The following ANTXRL variants were observed in gnomAD, a reference collection of about 807,000 sequenced individuals.
ANTXRL encodes ANTXR like, also known as anthrax toxin receptor-like.
In ANTXRL, 63 loss-of-function variants were observed where a neutral mutation model predicts 75.4. That is an observed-to-expected ratio of 0.84 (90% confidence interval 0.68 to 1.03). The LOEUF (loss-of-function observed/expected upper bound fraction) is 1.03, where lower values mean the gene tolerates loss of function less well. ANTXRL is among the 50% of genes least tolerant of loss of function. The pLI is 0.00. For synonymous variants in ANTXRL, 335 were observed against 291.3 expected (o/e 1.15, Z -1.53); for missense variants, 797 against 789.4 (o/e 1.01, Z -0.12).
chr10:46,293,753 G>C, intron 2 of ANTXRL, 76 bp from the exon 3 acceptor site: 1 of 1,229,130 alleles, frequency 8.1e-7, no homozygotes, highest in South Asian at 1.3e-5. Context: ...GGGGTGGGAG[G>C]TGGGGAATTG....
chr10:46,298,240 TTGTG>T (rs1554959637), intron 9 of ANTXRL, among the ~76,000 whole-genome samples, 178 bp downstream of exon 9: 1 of 151,236 alleles, frequency 6.6e-6, no homozygotes, highest in Non-Finnish European at 1.5e-5. Flanking sequence ...TGTATGTAGT[TTGTG>T]TGGGTGCAGT....
At chr10:46,321,540 G>GT (rs1330640064) in intron 16 of ANTXRL, among the ~76,000 whole-genome samples, 11 of 152,114 alleles carry the variant, frequency 7.2e-5, no homozygotes, top group Admixed American at 3.3e-4. Flanking sequence ...CAAGGACTCG[G>GT]TATGGTCCCT....
chr10:46,293,298 CTGTGTGTGTGTGCGTGTGTGCCTGTGTG>C (rs1425901612), intron 2 of ANTXRL, among the ~76,000 whole-genome samples: 3 of 41,204 alleles, frequency 7.3e-5, no homozygotes, highest in Non-Finnish European at 1.4e-4. Flanking sequence ...GCGTGTGTGC[CTGTGTGTGTGTGCGTGTGTGCCTGTGTG>C]TGAGTGTGTG....
At chr10:46,324,622 G>A (rs1328974821) in intron 16 of ANTXRL, among the ~76,000 whole-genome samples, 1 of 152,080 alleles carries the variant, frequency 6.6e-6, no homozygotes, top group Non-Finnish European at 1.5e-5. Flanking sequence ...GAGTAATTTA[G>A]GAAAGACTTA....
intron 16 of ANTXRL, among the ~76,000 whole-genome samples, chr10:46,319,697 C>T (rs1387480271): frequency 3.9e-5 from 6 of 151,968 alleles, no homozygotes; most frequent in African/African-American, 9.7e-5. Flanking sequence ...CCTGGAAAGT[C>T]GCTAGAATAA....
intron 8 of ANTXRL, 42 bp from the exon 9 acceptor site, chr10:46,297,960 A>G (rs1554959456): frequency 6.5e-7 from 1 of 1,535,784 alleles, no homozygotes; most frequent in Non-Finnish European, 8.7e-7. Context: ...TTTGGCAGGA[A>G]GCTCACTCTC....
Position 46,298,021 on chromosome 10 carries a change from T to C in ANTXRL, c.755T>C (p.Leu252Pro). 1 of 1,535,942 alleles carries C rather than the reference T, an allele frequency of 6.5e-7. No homozygotes were observed. Among genetic ancestry groups the C allele is most frequent in the Non-Finnish European group, 8.7e-7 (1 of 1,146,734 alleles). The change falls in exon 9 of 17, where the codon CTT (leucine) becomes CCT (proline). Residue 252 changes from leucine to proline, a missense_variant. Coordinates refer to ENST00000620264, the MANE Select transcript of ANTXRL (RefSeq NM_001278688.3). ...TIDALTSKVCLDVTSVEPSSE... is the reference protein window; with the variant it reads ...TIDALTSKVCPDVTSVEPSSE... ...TTCCAGCTCACGTCAAAGGTCTGTC[T>C]TGATGTGACATCGGTGGAGCCTTCC...
intron 1 of ANTXRL, among the ~76,000 whole-genome samples, chr10:46,289,345 A>C (rs1226046034): frequency 2.0e-5 from 3 of 152,202 alleles, no homozygotes; most frequent in Non-Finnish European, 4.4e-5. Flanking sequence ...TACCATTTTT[A>C]AGTGTACAAT....
At chr10:46,293,979 G>C in intron 3 of ANTXRL, 79 bp downstream of exon 3, 1 of 1,377,342 alleles carries the variant, frequency 7.3e-7, no homozygotes, top group East Asian at 2.5e-5. Context: ...AGGGCTCCCG[G>C]AGACCTTGGT....
chr10:46,327,662 T>A (rs1839290513), intron 16 of ANTXRL, among the ~76,000 whole-genome samples: 1 of 152,098 alleles, frequency 6.6e-6, no homozygotes, highest in Non-Finnish European at 1.5e-5. Flanking sequence ...TTTGAGGCAT[T>A]TGTCACTCAC....
At chr10:46,323,756 G>C (rs189917107) in intron 16 of ANTXRL, among the ~76,000 whole-genome samples, 88 of 152,236 alleles carry the variant, frequency 5.8e-4, no homozygotes, top group Non-Finnish European at 1.1e-3. Flanking sequence ...CAAGGTAAAA[G>C]GTTTAGTGTA....
At chr10:46,301,257 C>A (rs1837724064) in intron 9 of ANTXRL, among the ~76,000 whole-genome samples, 1 of 152,220 alleles carries the variant, frequency 6.6e-6, no homozygotes, top group African/African-American at 2.4e-5. Context: ...TGCCTGGCAG[C>A]ATCAGATTTG....
intron 16 of ANTXRL, among the ~76,000 whole-genome samples, chr10:46,325,302 G>T (rs533921154): frequency 6.6e-6 from 1 of 152,178 alleles, no homozygotes; most frequent in Non-Finnish European, 1.5e-5. Context: ...CAGTGTCCTG[G>T]GTGTTTGCAA....
chr10:46,315,570 C>A (rs1260015515), intron 16 of ANTXRL, among the ~76,000 whole-genome samples: 103 of 152,128 alleles, frequency 6.8e-4, no homozygotes, highest in Admixed American at 3.6e-3. Flanking sequence ...CTGACAGAAC[C>A]AGTGCATGCC....
chr10:46,297,181 G>C (rs1837430636), intron 5 of ANTXRL, 71 bp from the exon 6 acceptor site: 1 of 1,296,232 alleles, frequency 7.7e-7, no homozygotes, highest in African/African-American at 1.5e-5. Context: ...GCCATCTGCA[G>C]GGGTTCCGGA....
intron 12 of ANTXRL, 89 bp from the exon 13 acceptor site, chr10:46,309,024 G>A (rs1838265494): frequency 1.3e-6 from 2 of 1,517,848 alleles, no homozygotes; most frequent in African/African-American, 1.4e-5. Flanking sequence ...CAGCTAGGGA[G>A]AGTGAGGAGT....
chr10:46,315,634 C>T (rs1173925474), intron 16 of ANTXRL, among the ~76,000 whole-genome samples: 2 of 152,164 alleles, frequency 1.3e-5, no homozygotes, highest in African/African-American at 2.4e-5. Context: ...AACTCTTCTT[C>T]CTGACTTGGC....
chr10:46,296,269 C>G lies in ANTXRL; in HGVS notation c.508+17C>G. 2 of 1,535,500 alleles carry G rather than the reference C, an allele frequency of 1.3e-6. No homozygotes were observed. The highest frequency in any genetic ancestry group is 1.7e-6 in the Non-Finnish European group (2 of 1,146,474). On this transcript the variant is annotated intron_variant, in intron 5 of 16. Transcript: ENST00000620264. ...ACTCCGGAAGTAAGCACCTGCCGTC[C>G]CCCTGGTGGTCCTGTAGGGGGAACA...
intron 2 of ANTXRL, 113 bp from the exon 3 acceptor site, chr10:46,293,716 A>G: frequency 1.2e-6 from 1 of 860,242 alleles, no homozygotes. Context: ...CCTTGTGTCC[A>G]GCAAGGGGCT....
Sources: allele counts gnomAD v4.1 joint callset (sites outside exome capture counted in the v4.1 genomes callset), GRCh38; gene constraint gnomAD v4.1.1; transcripts MANE v1.5; gene names NCBI Gene and HGNC (gene_info 2026-07-23, HGNC 2026-07-21).